MPP7: variants seen among roughly 807,000 people sequenced by gnomAD.
The protein encoded by MPP7 is MAGUK p55 scaffold protein 7.
A neutral mutation model predicts 76.5 loss-of-function variants in MPP7; 60 were observed. The observed-to-expected ratio is 0.78, with a 90% CI of 0.64 to 0.97. The LOEUF is 0.97. Ranked by LOEUF, MPP7 falls within the 50% of genes least tolerant of loss-of-function variation. MPP7 has a pLI of 0.00. For synonymous variants in MPP7, 237 were observed against 244.5 expected, an observed-to-expected ratio of 0.97 and a Z score of 0.29; for missense variants, 641 against 694.0, an observed-to-expected ratio of 0.92 and a Z score of 0.86.
At chr10:28,121,165 A>G (rs903981398) in intron 8 of MPP7, among the ~76,000 whole-genome samples, 1 of 152,004 alleles carries the variant, frequency 6.6e-6, no homozygotes, top group Non-Finnish European at 1.5e-5. Flanking sequence ...AAATTAGCCA[A>G]GCGTGGTGAT....
intron 2 of MPP7, among the ~76,000 whole-genome samples, chr10:28,208,402 G>A (rs1169662707): frequency 6.6e-6 from 1 of 152,192 alleles, no homozygotes. Context: ...GTATATAACA[G>A]TGACAGGAAC....
intron 2 of MPP7, among the ~76,000 whole-genome samples, chr10:28,311,771 CACACACACACACACAA>C (rs990031871): frequency 1.3e-5 from 2 of 151,922 alleles, no homozygotes; most frequent in African/African-American, 4.8e-5. Flanking sequence ...CACACACACA[CACACACACACACACAA>C]ACACTGAGAT....
At chr10:28,219,316 A>G (rs1838417787) in intron 2 of MPP7, among the ~76,000 whole-genome samples, 1 of 152,196 alleles carries the variant, frequency 6.6e-6, no homozygotes. Flanking sequence ...GTAAAAATAT[A>G]ATATTCTGTA....
chr10:28,210,819 C>T (rs974265363), intron 2 of MPP7, among the ~76,000 whole-genome samples: 2 of 152,164 alleles, frequency 1.3e-5, no homozygotes, highest in African/African-American at 4.8e-5. Flanking sequence ...AAATACCTCA[C>T]TCTGTGAGCC....
At chr10:28,087,870 C>G (rs987696456) in intron 12 of MPP7, among the ~76,000 whole-genome samples, 1 of 152,120 alleles carries the variant, frequency 6.6e-6, no homozygotes, top group Non-Finnish European at 1.5e-5. Context: ...TGCATGTTCT[C>G]TCAGCACACC....
Position 28,119,670 on chromosome 10 carries a change from T to C in MPP7, c.933A>G (p.Lys311=), listed in dbSNP as rs749046051. ...ACTTACATGATTTCCTGTTGGAAAC[T>C]TTCAGGGGCTGAACCAATATTTCTG... is the stretch of plus-strand genomic sequence containing the variant. ...RRPEILVQPL[K]VSNRKSSGFR... The change falls in exon 11 of 17, where the codon AAA becomes AAG. Residue 311 remains lysine, a synonymous_variant. Coordinates refer to ENST00000683449, the MANE Select transcript of MPP7 (RefSeq NM_001318170.2). 4 of 1,613,680 alleles carry C rather than the reference T, an allele frequency of 2.5e-6. 1 individual carries two copies. The South Asian group carries it at 4.4e-5, about 18-fold the overall frequency.
chr10:28,334,477 A>G (rs934175369), exon 1 of MPP7: 4 of 152,108 alleles, frequency 2.6e-5, no homozygotes, highest in Non-Finnish European at 5.9e-5. Flanking sequence ...GAGTGAAGCT[A>G]CTGTTTTGCT....
chr10:28,085,480 T>C (rs1406460551), intron 12 of MPP7, among the ~76,000 whole-genome samples: 1 of 152,170 alleles, frequency 6.6e-6, no homozygotes, highest in Non-Finnish European at 1.5e-5. Context: ...TAGTGAAACA[T>C]GACAGTTAGA....
chr10:28,188,541 T>A (rs1227311504), intron 3 of MPP7, among the ~76,000 whole-genome samples: 1 of 152,176 alleles, frequency 6.6e-6, no homozygotes. Context: ...AACATTATCA[T>A]GAGATCATCT....
intron 5 of MPP7, among the ~76,000 whole-genome samples, chr10:28,143,580 T>A (rs1564655537): frequency 6.6e-6 from 1 of 151,710 alleles, no homozygotes; most frequent in African/African-American, 2.4e-5. Flanking sequence ...TGTATTCCTA[T>A]CTTTGTGGAT....
At chr10:28,159,492 T>C (rs1836184506) in intron 3 of MPP7, among the ~76,000 whole-genome samples, 2 of 152,188 alleles carry the variant, frequency 1.3e-5, no homozygotes, top group African/African-American at 2.4e-5. Context: ...TTTGACAAAT[T>C]TGTAAATATC....
chr10:28,101,603 G>A (rs753211730), intron 11 of MPP7, among the ~76,000 whole-genome samples: 2 of 152,060 alleles, frequency 1.3e-5, no homozygotes, highest in African/African-American at 2.4e-5. Context: ...AAGTACTCCA[G>A]AGCAAGGGAA....
intron 11 of MPP7, among the ~76,000 whole-genome samples, chr10:28,108,264 A>T (rs1285797053): frequency 1.3e-5 from 2 of 152,204 alleles, no homozygotes. Context: ...GTAAATACCA[A>T]ATACAGGCTC....
chr10:28,228,291 G>A (rs1482537044), intron 2 of MPP7, among the ~76,000 whole-genome samples: 2 of 152,026 alleles, frequency 1.3e-5, no homozygotes, highest in Non-Finnish European at 2.9e-5. Flanking sequence ...TTTTAAACTG[G>A]ATTCCTTGAG....
intron 12 of MPP7, among the ~76,000 whole-genome samples, chr10:28,084,592 G>A (rs1852915672): frequency 6.6e-6 from 1 of 152,180 alleles, no homozygotes; most frequent in Non-Finnish European, 1.5e-5. Context: ...GGTCAGAGGA[G>A]AAGGGCAGGA....
intron 1 of MPP7, among the ~76,000 whole-genome samples, chr10:28,261,892 G>A (rs531367611): frequency 1.9e-4 from 29 of 151,792 alleles, no homozygotes; most frequent in African/African-American, 6.3e-4. Context: ...GCTCACACCT[G>A]TAATCCCAGC....
At chr10:28,152,310 T>C (rs1441377789) in intron 3 of MPP7, among the ~76,000 whole-genome samples, 2 of 152,214 alleles carry the variant, frequency 1.3e-5, no homozygotes, top group African/African-American at 4.8e-5. Context: ...TAACCCTGTG[T>C]TGCGTATGTG....
At chr10:28,156,480 A>G (rs138663437) in intron 3 of MPP7, among the ~76,000 whole-genome samples, 1 of 152,332 alleles carries the variant, frequency 6.6e-6, no homozygotes, top group Non-Finnish European at 1.5e-5. Context: ...CAAGAAGAGA[A>G]TTTCTGAGGT....
At chr10:28,168,507 C>A (rs1386635367) in intron 3 of MPP7, among the ~76,000 whole-genome samples, 1 of 151,784 alleles carries the variant, frequency 6.6e-6, no homozygotes, top group Non-Finnish European at 1.5e-5. Flanking sequence ...GAAAGATATT[C>A]TTTTACCTCA....
Sources: allele counts gnomAD v4.1 joint callset (sites outside exome capture counted in the v4.1 genomes callset), GRCh38; gene constraint gnomAD v4.1.1; transcripts MANE v1.5; gene names NCBI Gene and HGNC (gene_info 2026-07-23, HGNC 2026-07-21).